Variants in SCARA5 observed in about 807,000 individuals in gnomAD.
SCARA5 encodes scavenger receptor class A, member 5 (putative).
A neutral mutation model predicts 46.3 loss-of-function variants in SCARA5; 45 were observed. The observed-to-expected ratio is 0.97, with a 90% CI of 0.76 to 1.24. The LOEUF (loss-of-function observed/expected upper bound fraction) is 1.24. Ranked by LOEUF, SCARA5 falls within the 50% of genes most tolerant of loss-of-function variation. The probability of loss-of-function intolerance (pLI) is 0.00; values close to 1 mark genes in which losing one functional copy is unlikely to be tolerated. For missense variants in SCARA5, 680 were observed against 689.0 expected (o/e 0.99, Z 0.15); for synonymous variants, 333 against 306.5 (o/e 1.09, Z -0.90).
chr8:27,967,267 T>C (rs1435286731), intron 2 of SCARA5, among the ~76,000 whole-genome samples: 1 of 152,258 alleles, frequency 6.6e-6, no homozygotes, highest in Non-Finnish European at 1.5e-5. Flanking sequence ...ATCCTTGCTG[T>C]AGTGGCCTTT....
intron 4 of SCARA5, among the ~76,000 whole-genome samples, chr8:27,919,450 C>G (rs937868335): frequency 6.6e-6 from 1 of 152,036 alleles, no homozygotes; most frequent in Non-Finnish European, 1.5e-5. Flanking sequence ...TTAAATATCT[C>G]GAGAACATCA....
In SCARA5 at chr8:27,870,026, A is replaced by T. The variant is rs981393912; in HGVS notation, c.*1908T>A. ...CTGAAGTAGGTATGTAAACTAGTAG[A>T]CTTCCATTTTTAAGGTTCACACACT... is the stretch of plus-strand genomic sequence containing the variant. On this transcript the variant is annotated 3_prime_UTR_variant, in exon 9 of 9. Transcript: ENST00000354914. 2.6e-5 allele frequency: 4 copies of T among 152,228 alleles called. No homozygotes were observed. The highest frequency in any genetic ancestry group is 9.6e-5 in the African/African-American group (4 of 41,456). The allele number at this position is 152,228 out of a possible 1,614,324, so 9.4% of individuals were successfully genotyped here.
chr8:27,899,181 C>T (rs1807111503), intron 7 of SCARA5, among the ~76,000 whole-genome samples: 1 of 152,218 alleles, frequency 6.6e-6, no homozygotes, highest in African/African-American at 2.4e-5. Flanking sequence ...AAGTCAGGGG[C>T]AGCCTGTGGG....
intron 8 of SCARA5, among the ~76,000 whole-genome samples, chr8:27,872,831 C>T (rs1008667300): frequency 3.3e-5 from 5 of 152,212 alleles, no homozygotes; most frequent in Non-Finnish European, 5.9e-5. Flanking sequence ...AGCCCAAATA[C>T]GTATATAGGA....
At chr8:27,904,642 A>T (rs1166702736) in intron 7 of SCARA5, 136 bp downstream of exon 7, 9 of 815,404 alleles carry the variant, frequency 1.1e-5, no homozygotes, top group South Asian at 9.4e-5. Flanking sequence ...GCCCTAAAAA[A>T]GGTAGGGAGC....
chr8:27,875,263 C>T (rs1806705243), intron 8 of SCARA5, among the ~76,000 whole-genome samples: 1 of 150,304 alleles, frequency 6.7e-6, no homozygotes, highest in Admixed American at 6.6e-5. Context: ...TCCCTCCTTC[C>T]TTTCTTCCCT....
rs1807679009 is a variant in SCARA5 at position 27,926,289 on chromosome 8, C to A, written c.242-4044G>T. Among the ~76,000 whole-genome samples the A allele has an allele frequency of 3.9e-5, 6 of 152,250 alleles. No homozygotes were observed. The South Asian group carries it at 1.2e-3, about 32-fold the overall frequency. Reference sequence around the variant, plus strand: ...GCCATAAAAAAGGATGAGTTCATGTCCTTTGCAGGGACATGGATAAAGCTG... The same window carrying A: ...GCCATAAAAAAGGATGAGTTCATGTACTTTGCAGGGACATGGATAAAGCTG... On this transcript the variant is annotated intron_variant, in intron 3 of 8. Coordinates refer to ENST00000354914, the MANE Select transcript of SCARA5 (RefSeq NM_173833.6).
intron 3 of SCARA5, among the ~76,000 whole-genome samples, chr8:27,924,434 G>C (rs1394058819): frequency 6.6e-6 from 1 of 152,214 alleles, no homozygotes; most frequent in Admixed American, 6.5e-5. Flanking sequence ...CACGGCATTT[G>C]TGGTGGCCAC....
intron 4 of SCARA5, among the ~76,000 whole-genome samples, chr8:27,913,173 T>C (rs1279684933): frequency 1.3e-5 from 2 of 152,136 alleles, no homozygotes; most frequent in Admixed American, 1.3e-4. Context: ...AGATGGATTT[T>C]GTTTTAAACA....
chr8:27,919,041 A>G (rs1344890192), intron 4 of SCARA5, among the ~76,000 whole-genome samples: 40 of 102,526 alleles, frequency 3.9e-4, no homozygotes, highest in African/African-American at 1.3e-3. Context: ...GAGGAGGAGG[A>G]GAGAAGGGAG....
At chr8:27,986,635 A>G (rs555744904) in intron 2 of SCARA5, among the ~76,000 whole-genome samples, 8 of 150,886 alleles carry the variant, frequency 5.3e-5, no homozygotes, top group Admixed American at 5.3e-4. Flanking sequence ...CTAAGCCACC[A>G]CGGTTCTTTC....
intron 3 of SCARA5, among the ~76,000 whole-genome samples, chr8:27,939,974 C>T (rs1055143424): frequency 1.3e-5 from 2 of 152,192 alleles, no homozygotes; most frequent in African/African-American, 4.8e-5. Context: ...GTATTTTTCT[C>T]CAGTCTGCCT....
At chr8:27,874,175 G>T (rs894032029) in intron 8 of SCARA5, among the ~76,000 whole-genome samples, 3 of 152,246 alleles carry the variant, frequency 2.0e-5, no homozygotes, top group Non-Finnish European at 4.4e-5. Flanking sequence ...GCTTCTATGT[G>T]TTTATTTAGA....
chr8:27,960,468 C>T (rs911254654), intron 3 of SCARA5, among the ~76,000 whole-genome samples: 1 of 152,262 alleles, frequency 6.6e-6, no homozygotes, highest in South Asian at 2.1e-4. Flanking sequence ...GAGCCACTGT[C>T]CCAGCCTACT....
At chr8:27,959,051 G>T (rs1368011160) in intron 3 of SCARA5, among the ~76,000 whole-genome samples, 1 of 152,084 alleles carries the variant, frequency 6.6e-6, no homozygotes, top group East Asian at 1.9e-4. Flanking sequence ...TGGCAAACAT[G>T]GCAAAACCCT....
intron 7 of SCARA5, chr8:27,886,154 A>C (rs1806891690): frequency 6.5e-6 from 1 of 152,732 alleles, no homozygotes; most frequent in Non-Finnish European, 1.5e-5. Context: ...GCACCACTCC[A>C]CCCAGACCCC....
intron 3 of SCARA5, among the ~76,000 whole-genome samples, chr8:27,958,632 G>A: frequency 6.6e-6 from 1 of 152,252 alleles, no homozygotes; most frequent in East Asian, 1.9e-4. Context: ...CAGGCTGATT[G>A]TTAAAAATAA....
intron 3 of SCARA5, among the ~76,000 whole-genome samples, chr8:27,949,181 G>A (rs1054988172): frequency 6.6e-6 from 1 of 152,256 alleles, no homozygotes; most frequent in Non-Finnish European, 1.5e-5. Context: ...AGCCCACGTG[G>A]CTCAGAGCTT....
In SCARA5 at chr8:27,871,903, G is replaced by A; in HGVS notation, c.*31C>T. On this transcript the variant is annotated 3_prime_UTR_variant, in exon 9 of 9. Transcript: ENST00000354914. ...CAGGGATGCAGGAAGGGTGCTCTGT[G>A]CAGGACCCCGAACTTGGGCTCTGCC... 1 of 1,613,222 alleles carries A rather than the reference G, an allele frequency of 6.2e-7. No individual in the cohort carries two copies. Among genetic ancestry groups the A allele is most frequent in the Non-Finnish European group, 8.5e-7 (1 of 1,180,008 alleles).
Sources: allele counts gnomAD v4.1 joint callset (sites outside exome capture counted in the v4.1 genomes callset), GRCh38; gene constraint gnomAD v4.1.1; transcripts MANE v1.5; gene names NCBI Gene and HGNC (gene_info 2026-07-23, HGNC 2026-07-21).